The following DCAF12 variants were observed in gnomAD, a reference collection of about 807,000 sequenced individuals.
DCAF12 encodes DDB1 and CUL4 associated factor 12.
DCAF12 carries 28 observed loss-of-function variants against 52.8 expected under a neutral mutation model. The observed-to-expected ratio is 0.53, with a 90% CI of 0.39 to 0.73. DCAF12 has a LOEUF of 0.73. Among genes scored for constraint, DCAF12 ranks in the 30% least tolerant of loss-of-function variants. The pLI is 0.00. For synonymous variants in DCAF12, 196 were observed against 215.5 expected, an observed-to-expected ratio of 0.91 and a Z score of 0.79; for missense variants, 425 against 552.2, an observed-to-expected ratio of 0.77 and a Z score of 2.31.
At chr9:34,122,772 C>T (rs921357694) in intron 2 of DCAF12, among the ~76,000 whole-genome samples, 2 of 152,182 alleles carry the variant, frequency 1.3e-5, no homozygotes, top group African/African-American at 2.4e-5. Flanking sequence ...GCCACCTTGC[C>T]CTGCGAAAGA....
At chr9:34,113,755 T>C (rs1829042179) in intron 2 of DCAF12, among the ~76,000 whole-genome samples, 1 of 152,210 alleles carries the variant, frequency 6.6e-6, no homozygotes, top group Admixed American at 6.5e-5. Context: ...GCAGCATTAT[T>C]CACAATAGCC....
intron 2 of DCAF12, among the ~76,000 whole-genome samples, chr9:34,107,779 T>C (rs757412205): frequency 1.1e-4 from 16 of 152,206 alleles, no homozygotes; most frequent in Non-Finnish European, 2.2e-4. Context: ...AATAATATGC[T>C]ACATGAACAC....
chr9:34,095,502 C>T (rs1429064433), intron 6 of DCAF12, among the ~76,000 whole-genome samples: 2 of 150,584 alleles, frequency 1.3e-5, no homozygotes, highest in African/African-American at 4.9e-5. Flanking sequence ...TGCCTCAGCA[C>T]TGCTACCCTC....
At chr9:34,100,723 C>T (rs1840696470) in intron 4 of DCAF12, among the ~76,000 whole-genome samples, 1 of 151,246 alleles carries the variant, frequency 6.6e-6, no homozygotes, top group African/African-American at 2.4e-5. Flanking sequence ...TTGTCTTAAA[C>T]ACCTGGGCTC....
chr9:34,098,466 G>T lies in DCAF12; in HGVS notation c.653C>A (p.Thr218Asn). ...GLWEVTDDVL[T>N]KSDARHNVSR... Reference sequence around the variant, plus strand: ...CACATTGTGTCTCGCATCACTTTTGGTCAAAACATCATCTGTCACCTCCCA... The same window carrying T: ...CACATTGTGTCTCGCATCACTTTTGTTCAAAACATCATCTGTCACCTCCCA... Residue 218 changes from threonine (T) to asparagine (N), a missense_variant, in exon 5 of 9, where the codon ACC becomes AAC. Thr to Asn is a moderately conservative substitution (Grantham distance 65). Transcript: ENST00000361264. 1 of 1,614,122 alleles carries T rather than the reference G, an allele frequency of 6.2e-7. No homozygotes were observed. Among genetic ancestry groups the T allele is most frequent in the Non-Finnish European group, 8.5e-7 (1 of 1,180,034 alleles).
In DCAF12 at chr9:34,098,455, C is replaced by T; in HGVS notation, c.664G>A (p.Ala222Thr). ...GGGACCCGTGACACATTGTGTCTCG[C>T]ATCACTTTTGGTCAAAACATCATCT... ...VTDDVLTKSD[A>T]RHNVSRVPVY... is the part of the protein sequence containing the mutation. Residue 222 changes from alanine to threonine, a missense_variant, in exon 5 of 9, where the codon GCG (alanine) becomes ACG (threonine). Coordinates refer to ENST00000361264, the MANE Select transcript of DCAF12 (RefSeq NM_015397.4). 1 of 1,614,168 alleles carries T rather than the reference C, an allele frequency of 6.2e-7. No homozygotes were observed. Among genetic ancestry groups the T allele is most frequent in the Non-Finnish European group, 8.5e-7 (1 of 1,180,020 alleles).
rs61735450 is a variant in DCAF12, at chr9:34,125,260, C to G, written c.96G>C (p.Ser32=). The G allele has an allele frequency of 0.03, 48,722 of 1,613,996 alleles. 872 individuals are homozygous for G. The highest frequency in any genetic ancestry group is 0.035 in the Non-Finnish European group (41,659 of 1,179,964). Residue 32 remains serine, a synonymous_variant, in exon 2 of 9, where the codon TCG becomes TCC. Transcript: ENST00000361264. The stretch of plus-strand genomic sequence containing the variant: ...GAGGAAGTCTTTTCCTTTTGTGAAG[C>G]GAGTGATCCCAGCCAAACTGTGGAA... ...AQGPQFGWDH[S]LHKRKRLPPV... is the part of the protein sequence containing the mutation.
intron 4 of DCAF12, among the ~76,000 whole-genome samples, chr9:34,102,990 T>G (rs941583038): frequency 7.2e-6 from 1 of 138,106 alleles, no homozygotes; most frequent in Non-Finnish European, 1.5e-5. Flanking sequence ...GGTGGGGTGC[T>G]GAGACAGGAG....
intron 4 of DCAF12, among the ~76,000 whole-genome samples, chr9:34,104,146 TC>T (rs1184539030): frequency 6.6e-6 from 1 of 151,908 alleles, no homozygotes; most frequent in Admixed American, 6.6e-5. Flanking sequence ...GCACCTGTAG[TC>T]CCAGCTACTT....
chr9:34,102,546 A>C (rs1381421522), intron 4 of DCAF12, among the ~76,000 whole-genome samples: 1 of 151,922 alleles, frequency 6.6e-6, no homozygotes, highest in African/African-American at 2.4e-5. Flanking sequence ...CCAGATACTT[A>C]GGAGGCTGAG....
intron 4 of DCAF12, among the ~76,000 whole-genome samples, chr9:34,098,958 C>T (rs967320644): frequency 6.6e-6 from 1 of 150,874 alleles, no homozygotes; most frequent in Non-Finnish European, 1.5e-5. Context: ...TTAGTAGAGA[C>T]GGGGTTTTAC....
rs112100935 is a variant in DCAF12 at position 34,089,683 on chromosome 9, G to A, written c.1025-93C>T. On this transcript the variant is annotated intron_variant, in intron 7 of 8. Transcript: ENST00000361264. ...ATTTCTCCAACACTGAGTTTTCAACGTCCACCCTGCTCCCCTCCACCCGCC... is the reference window on the plus strand; with the variant it reads ...ATTTCTCCAACACTGAGTTTTCAACATCCACCCTGCTCCCCTCCACCCGCC... 2.5e-5 allele frequency: 32 copies of A among 1,275,388 alleles called. No individual in the cohort carries two copies. In the African/African-American group the frequency reaches 3.1e-4, roughly 12 times the overall value. 79.0% of individuals were successfully genotyped at this position (1,275,388 alleles called of 1,614,324 possible). A position where few individuals can be genotyped will look rare whatever the true frequency, so the allele number is the denominator to read the frequency against.
chr9:34,117,256 A>ATT (rs201282914), intron 2 of DCAF12, among the ~76,000 whole-genome samples: 54 of 140,020 alleles, frequency 3.9e-4, no homozygotes, highest in Admixed American at 1.1e-3. Context: ...CTAATCCTTG[A>ATT]TTTTTTTTTT....
chr9:34,091,934 A>G (rs1828651544), intron 7 of DCAF12, among the ~76,000 whole-genome samples: 1 of 152,216 alleles, frequency 6.6e-6, no homozygotes, highest in African/African-American at 2.4e-5. Context: ...TCTAGGTCTT[A>G]TATGTAAAAC....
chr9:34,116,284 G>A (rs1242037234), intron 2 of DCAF12, among the ~76,000 whole-genome samples: 1 of 151,960 alleles, frequency 6.6e-6, no homozygotes, highest in African/African-American at 2.4e-5. Context: ...TTGAACCCAG[G>A]AGGGGCAGGC....
At chr9:34,119,671 C>G (rs1042811521) in intron 2 of DCAF12, among the ~76,000 whole-genome samples, 4 of 147,574 alleles carry the variant, frequency 2.7e-5, no homozygotes, top group Non-Finnish European at 6.0e-5. Context: ...TTTTTAGGCT[C>G]TTCTTTCAAC....
At chr9:34,112,431 T>C (rs1209210404) in intron 2 of DCAF12, among the ~76,000 whole-genome samples, 2 of 150,716 alleles carry the variant, frequency 1.3e-5, no homozygotes, top group Non-Finnish European at 3.0e-5. Context: ...CCATCTCTAC[T>C]AAAAATACAA....
intron 2 of DCAF12, among the ~76,000 whole-genome samples, chr9:34,120,789 C>T (rs371760320): frequency 3.3e-5 from 5 of 151,842 alleles, no homozygotes; most frequent in South Asian, 2.1e-4. Context: ...CAACATCAGA[C>T]AAGGCCACTC....
At chr9:34,125,361 T>A (rs1255813693) in intron 1 of DCAF12, 84 bp from the exon 2 acceptor site, 8 of 1,436,380 alleles carry the variant, frequency 5.6e-6, no homozygotes, top group Non-Finnish European at 5.7e-6. Context: ...CACCAACTCA[T>A]AACTCATACT....
Sources: allele counts gnomAD v4.1 joint callset (sites outside exome capture counted in the v4.1 genomes callset), GRCh38; gene constraint gnomAD v4.1.1; transcripts MANE v1.5; gene names NCBI Gene and HGNC (gene_info 2026-07-23, HGNC 2026-07-21).